Variants in ADAMTS15 observed in about 807,000 individuals in gnomAD.
The protein encoded by ADAMTS15 is ADAM metallopeptidase with thrombospondin type 1 motif 15.
ADAMTS15 carries 35 observed loss-of-function variants against 79.1 expected under a neutral mutation model. The ratio of observed to expected loss-of-function variants is 0.44; its 90% CI spans 0.34 to 0.59. ADAMTS15 has a LOEUF of 0.59. Among genes scored for constraint, ADAMTS15 ranks in the 20% least tolerant of loss-of-function variants. The pLI is 0.02. For synonymous variants in ADAMTS15, 616 were observed against 567.3 expected (o/e 1.09, Z -1.22); for missense variants, 1,324 against 1,318.7 (o/e 1.00, Z -0.06).
Position 130,473,820 on chromosome 11 carries a change from G to C in ADAMTS15, c.2852G>C (p.Ter951SerextTer14). The C allele has an allele frequency of 6.3e-7, 1 of 1,590,260 alleles. No individual in the cohort carries two copies. Among genetic ancestry groups the C allele is most frequent in the Non-Finnish European group, 8.5e-7 (1 of 1,174,004 alleles). ...ELDFCVLRPC[*>S] ...GACTTCTGCGTCCTGAGGCCGTGCT[G>C]AGTGGGGTCATCGCTTTCTCCCCCT... is the stretch of plus-strand genomic sequence containing the variant. The change falls in exon 8 of 8, where the codon TGA becomes TCA. Residue 951 changes from the stop codon to serine, a stop_lost. Transcript: ENST00000299164.
Position 130,461,528 on chromosome 11 carries a change from G to A in ADAMTS15, c.997G>A (p.Ala333Thr), listed in dbSNP as rs753810466. 3 of 1,614,142 alleles carry A rather than the reference G, an allele frequency of 1.9e-6. No individual in the cohort carries two copies. The South Asian group carries it at 3.3e-5, about 18-fold the overall frequency. ...CACCACCTGTGACACCCTGGGCATGGCTGATGTGGGTACCATGTGTGACCC... is the reference window on the plus strand; with the variant it reads ...CACCACCTGTGACACCCTGGGCATGACTGATGTGGGTACCATGTGTGACCC... ...GATTCDTLGM[A>T]DVGTMCDPKR... The change falls in exon 2 of 8, where the codon GCT (alanine) becomes ACT (threonine). Residue 333 changes from alanine to threonine, a missense_variant. Coordinates refer to ENST00000299164, the MANE Select transcript of ADAMTS15 (RefSeq NM_139055.4).
chr11:130,462,642 GTGGTGCACCGGGAAGGCCAAGGGACAGA>G lies in ADAMTS15; in HGVS notation c.1410_1437del (p.Thr471AlafsTer79). ...CTTACATGCAGTACTGCACCAAGCT[GTGGTGCACCGGGAAGGCCAAGGGACAGA>G]TGGTGTGCCAGACCCGCCACTTCCC... On this transcript the variant is annotated frameshift_variant, in exon 4 of 8. Coordinates refer to ENST00000299164, the MANE Select transcript of ADAMTS15 (RefSeq NM_139055.4). LOFTEE classifies it high-confidence loss of function. The surrounding 1 kb of genome is among the most constrained non-coding windows in gnomAD (Gnocchi z 4.3). The G allele has an allele frequency of 6.2e-7, 1 of 1,613,888 alleles. No homozygotes were observed. The highest frequency in any genetic ancestry group is 8.5e-7 in the Non-Finnish European group (1 of 1,179,796).
At chr11:130,470,164 A>ATATACG (rs1938407116) in intron 5 of ADAMTS15, among the ~76,000 whole-genome samples, 1 of 58,248 alleles carries the variant, frequency 1.7e-5, no homozygotes. Context: ...GTATATATAT[A>ATATACG]TATATATATA....
intron 4 of ADAMTS15, among the ~76,000 whole-genome samples, chr11:130,464,972 A>G (rs1398481129): frequency 8.6e-5 from 5 of 58,304 alleles, no homozygotes; most frequent in African/African-American, 3.0e-4. Context: ...ATCTCAAGGA[A>G]AAAAAAAAAA....
In ADAMTS15 at chr11:130,474,049, G is replaced by A. The variant is rs112348720; in HGVS notation, c.*228G>A. On this transcript the variant is annotated 3_prime_UTR_variant, in exon 8 of 8. Coordinates refer to ENST00000299164, the MANE Select transcript of ADAMTS15 (RefSeq NM_139055.4). ...AGTCTACCTCAGGCCCCGCTCCTCG[G>A]GCCGGTTGCGGGGAGAGGCTTTGAG... 2.8e-3 allele frequency: 1,571 copies of A among 563,100 alleles called. 24 individuals carry two copies. The highest frequency in any genetic ancestry group is 0.026 in the African/African-American group (1,371 of 53,062). The allele number at this position is 563,100 out of a possible 1,614,324, so 34.9% of individuals were successfully genotyped here. A position where few individuals can be genotyped will look rare whatever the true frequency, so the allele number is the denominator to read the frequency against.
chr11:130,449,339 G>GC lies in ADAMTS15; in HGVS notation c.367dup (p.Leu123ProfsTer15), dbSNP rs1280266974. On this transcript the variant is annotated frameshift_variant, in exon 1 of 8. Coordinates refer to ENST00000299164, the MANE Select transcript of ADAMTS15 (RefSeq NM_139055.4). LOFTEE classifies it high-confidence loss of function. This position sits in a 1 kb window ranked among gnomAD's most constrained non-coding sequence, Gnocchi z 7.8. ...TCGCTGCTGTGAGCCTGTGCGGGGG[G>GC]CTCCGCGGAGCCTTTGGCTACCGAG... is the stretch of plus-strand genomic sequence containing the variant. 1 of 1,608,150 alleles carries GC rather than the reference G, an allele frequency of 6.2e-7. No homozygotes were observed. Among genetic ancestry groups the GC allele is most frequent in the African/African-American group, 1.3e-5 (1 of 74,946 alleles).
Position 130,473,462 on chromosome 11 carries a change from G to C in ADAMTS15, c.2494G>C (p.Val832Leu). The C allele has an allele frequency of 6.2e-7, 1 of 1,612,342 alleles. No homozygotes were observed. The highest frequency in any genetic ancestry group is 8.5e-7 in the Non-Finnish European group (1 of 1,179,680). The change falls in exon 8 of 8, where the codon GTG becomes CTG. Residue 832 changes from valine to leucine, a missense_variant. Coordinates refer to ENST00000299164, the MANE Select transcript of ADAMTS15 (RefSeq NM_139055.4). ...CAGCGTCCTCAGCCTCTCCAACCAGGTGGAGCAGCCGGACGACAGGCCCCC... is the reference window on the plus strand; with the variant it reads ...CAGCGTCCTCAGCCTCTCCAACCAGCTGGAGCAGCCGGACGACAGGCCCCC... ...HNSVLSLSNQ[V>L]EQPDDRPPAR...
chr11:130,459,102 C>G lies in ADAMTS15; in HGVS notation c.958-2387C>G, dbSNP rs532378371. 5.7e-5 allele frequency among the ~76,000 whole-genome samples: 8 copies of G among 140,256 alleles called. No individual in the cohort carries two copies. The South Asian group carries it at 1.6e-3, about 29-fold the overall frequency. The allele number at this position is 140,256 out of a possible 152,430, so 92.0% of individuals were successfully genotyped here. A position where few individuals can be genotyped will look rare whatever the true frequency, so the allele number is the denominator to read the frequency against. On this transcript the variant is annotated intron_variant, in intron 1 of 7. Coordinates refer to ENST00000299164, the MANE Select transcript of ADAMTS15 (RefSeq NM_139055.4). The stretch of plus-strand genomic sequence containing the variant: ...AGGCTGGAATGCAGTGGCGTGATCA[C>G]GGGTCACTGTAGATTACCCTCCCAG...
At chr11:130,470,151 T>TACAC (rs1565397596) in intron 5 of ADAMTS15, among the ~76,000 whole-genome samples, 29 of 56,314 alleles carry the variant, frequency 5.1e-4, no homozygotes, top group African/African-American at 7.3e-4. Flanking sequence ...TATATATATA[T>TACAC]GTGTATATAT....
At chr11:130,463,395 G>C (rs2134728944) in intron 4 of ADAMTS15, among the ~76,000 whole-genome samples, 1 of 152,310 alleles carries the variant, frequency 6.6e-6, no homozygotes, top group East Asian at 1.9e-4. Flanking sequence ...AACACATTCA[G>C]AATGCCAAAT....
Position 130,462,037 on chromosome 11 carries a change from C to A in ADAMTS15, c.1091-50C>A. 5 of 1,535,224 alleles carry A rather than the reference C, an allele frequency of 3.3e-6. No homozygotes were observed. The highest frequency in any genetic ancestry group is 1.4e-5 in the African/African-American group (1 of 73,424). On this transcript the variant is annotated intron_variant, in intron 2 of 7. Coordinates refer to ENST00000299164, the MANE Select transcript of ADAMTS15 (RefSeq NM_139055.4). The surrounding 1 kb of genome is among the most constrained non-coding windows in gnomAD (Gnocchi z 4.3). ...TCCCCTGCCCCATTCCTCCCTCCAA[C>A]CCCCATGTCCTTCCTCCTGCCCTCT...
intron 1 of ADAMTS15, among the ~76,000 whole-genome samples, chr11:130,454,285 T>C (rs1357759432): frequency 6.6e-6 from 1 of 152,242 alleles, no homozygotes; most frequent in Non-Finnish European, 1.5e-5. Flanking sequence ...ATTTGTACTC[T>C]GACTTTTCCC....
intron 4 of ADAMTS15, among the ~76,000 whole-genome samples, chr11:130,465,782 T>A (rs1423197425): frequency 4.8e-5 from 7 of 144,848 alleles, no homozygotes; most frequent in Non-Finnish European, 8.8e-5. Context: ...CTCTCGGTTG[T>A]CCTCCTCCTC....
intron 1 of ADAMTS15, among the ~76,000 whole-genome samples, chr11:130,455,846 A>G (rs966843906): frequency 1.8e-4 from 27 of 152,048 alleles, no homozygotes; most frequent in African/African-American, 6.5e-4. Context: ...CAGACGGTGC[A>G]CTCAGAGCAC....
chr11:130,466,371 G>T (rs1256523843), intron 4 of ADAMTS15, among the ~76,000 whole-genome samples: 1 of 152,174 alleles, frequency 6.6e-6, no homozygotes. Flanking sequence ...GAATCTGGAC[G>T]TGTCCATTGG....
rs1157689519 is a variant in ADAMTS15 at position 130,470,152 on chromosome 11, G to GTATA, written c.1720+714_1720+715insATAT. ...TATATACATATATATATATATATAT[G>GTATA]TGTATATATATATATATATATATAT... On this transcript the variant is annotated intron_variant, in intron 5 of 7. Coordinates refer to ENST00000299164, the MANE Select transcript of ADAMTS15 (RefSeq NM_139055.4). Among the ~76,000 whole-genome samples, 16 of 73,762 alleles carry GTATA rather than the reference G, an allele frequency of 2.2e-4. 1 individual carries two copies. The highest frequency in any genetic ancestry group is 3.1e-4 in the Non-Finnish European group (13 of 42,622). The allele number at this position is 73,762 out of a possible 152,430, so 48.4% of individuals were successfully genotyped here. A position where few individuals can be genotyped will look rare whatever the true frequency, so the allele number is the denominator to read the frequency against.
chr11:130,461,645 G>C, intron 2 of ADAMTS15, 24 bp downstream of exon 2: 1 of 1,612,812 alleles, frequency 6.2e-7, no homozygotes, highest in South Asian at 1.1e-5. Context: ...AGCTCCTCCT[G>C]GGGTCTTCTG....
rs371076060 is a variant in ADAMTS15, at chr11:130,449,014, G to C, written c.41G>C (p.Arg14Pro). The stretch of plus-strand genomic sequence containing the variant: ...ATCCTAACCCTGGCTTTCGCCGGGC[G>C]AACCGCTGGAGGCTCTGAGCCAGAG... ...LGILTLAFAG[R>P]TAGGSEPERE... The change falls in exon 1 of 8, where the codon CGA becomes CCA. Residue 14 changes from arginine to proline, a missense_variant. Physicochemically the swap from Arg to Pro is moderately radical, Grantham distance 103. Coordinates refer to ENST00000299164, the MANE Select transcript of ADAMTS15 (RefSeq NM_139055.4). This position sits in a 1 kb window ranked among gnomAD's most constrained non-coding sequence, Gnocchi z 7.8. 2.9e-5 allele frequency: 44 copies of C among 1,510,202 alleles called. No homozygotes were observed. The African/African-American group carries it at 5.7e-4, about 20-fold the overall frequency. 93.6% of individuals were successfully genotyped at this position (1,510,202 alleles called of 1,614,324 possible). A position where few individuals can be genotyped will look rare whatever the true frequency, so the allele number is the denominator to read the frequency against.
Position 130,473,916 on chromosome 11 carries a change from C to T in ADAMTS15, c.*95C>T. The T allele has an allele frequency of 7.0e-7, 1 of 1,428,940 alleles. No individual in the cohort carries two copies. Among genetic ancestry groups the T allele is most frequent in the South Asian group, 1.4e-5 (1 of 70,698 alleles). 88.5% of individuals were successfully genotyped at this position (1,428,940 alleles called of 1,614,324 possible). A position where few individuals can be genotyped will look rare whatever the true frequency, so the allele number is the denominator to read the frequency against. On this transcript the variant is annotated 3_prime_UTR_variant, in exon 8 of 8. Transcript: ENST00000299164. ...GCGGGCAGAGGACGGTGGCCAGGGG[C>T]TCACGCCACGATGTCACCCACATCC...
Sources: allele counts gnomAD v4.1 joint callset (sites outside exome capture counted in the v4.1 genomes callset), GRCh38; gene constraint gnomAD v4.1.1; non-coding constraint Gnocchi (gnomAD v3.1); transcripts MANE v1.5; gene names NCBI Gene and HGNC (gene_info 2026-07-23, HGNC 2026-07-21).